Variants in CD200 observed in about 807,000 individuals in gnomAD.
CD200 encodes the protein OX-2 membrane glycoprotein.
In CD200, 15 loss-of-function variants were observed where a neutral mutation model predicts 30.9. The observed-to-expected ratio is 0.49, with a 90% CI of 0.32 to 0.75. The LOEUF (loss-of-function observed/expected upper bound fraction) is 0.75, where lower values mean the gene tolerates loss of function less well. Among genes scored for constraint, CD200 ranks in the 30% least tolerant of loss-of-function variants. CD200 has a pLI of 0.03. For missense variants in CD200, 262 were observed against 324.2 expected (o/e 0.81, Z 1.47); for synonymous variants, 134 against 126.2 (o/e 1.06, Z -0.41).
chr3:112,333,905 A>C (rs1186445601), intron 1 of CD200: 85 of 985,342 alleles, frequency 8.6e-5, no homozygotes, highest in Non-Finnish European at 1.0e-4. Flanking sequence ...CTTACAAGAC[A>C]AAAAACGGAG....
Position 112,347,807 on chromosome 3 carries a change from A to T in CD200, c.671A>T (p.Asp224Val), listed in dbSNP as rs2081434632. Residue 224 changes from aspartate to valine, a missense_variant, in exon 4 of 6, where the codon GAC becomes GTC. Coordinates refer to ENST00000315711, the MANE Select transcript of CD200 (RefSeq NM_005944.7). ...CQVLHLGTVT[D>V]FKQTVNKGYW... is the part of the protein sequence containing the mutation. ...GTGCTGCACCTGGGGACTGTGACCGACTTTAAGCAAACCGTCAACAAAGGT... is the reference window on the plus strand; with the variant it reads ...GTGCTGCACCTGGGGACTGTGACCGTCTTTAAGCAAACCGTCAACAAAGGT... The T allele has an allele frequency of 6.2e-7, 1 of 1,613,570 alleles. No homozygotes were observed. Among genetic ancestry groups the T allele is most frequent in the East Asian group, 2.2e-5 (1 of 44,870 alleles).
At position 112,333,428 on chromosome 3, in the gene CD200, G is replaced by T. The variant is rs1373961513; in HGVS notation, c.12+204G>T. On this transcript the variant is annotated intron_variant, in intron 1 of 5. Coordinates refer to ENST00000315711, the MANE Select transcript of CD200 (RefSeq NM_005944.7). Reference sequence around the variant, plus strand: ...AACGGATTTTGCCTTCCAAAGGGTGGTTTACAGGCAGCTGCTGGCGTCCAG... The same window carrying T: ...AACGGATTTTGCCTTCCAAAGGGTGTTTTACAGGCAGCTGCTGGCGTCCAG... 3.0e-6 allele frequency: 3 copies of T among 985,414 alleles called. No homozygotes were observed. The African/African-American group carries it at 5.2e-5, about 17-fold the overall frequency. The allele number at this position is 985,414 out of a possible 1,614,324, so 61.0% of individuals were successfully genotyped here. A position where few individuals can be genotyped will look rare whatever the true frequency, so the allele number is the denominator to read the frequency against.
chr3:112,340,006 T>C (rs967865218), intron 1 of CD200, among the ~76,000 whole-genome samples: 1 of 152,172 alleles, frequency 6.6e-6, no homozygotes, highest in African/African-American at 2.4e-5. Flanking sequence ...TGACAGAGAT[T>C]ATGCAACATT....
In CD200 at chr3:112,335,756, A is replaced by G. The variant is rs568974551; in HGVS notation, c.12+2532A>G. 18 of 606,446 alleles carry G rather than the reference A, an allele frequency of 3.0e-5. 1 individual carries two copies. In the Admixed American group the frequency reaches 5.2e-4, roughly 17 times the overall value. 37.6% of individuals were successfully genotyped at this position (606,446 alleles called of 1,614,324 possible). A position where few individuals can be genotyped will look rare whatever the true frequency, so the allele number is the denominator to read the frequency against. On this transcript the variant is annotated intron_variant, in intron 1 of 5. Transcript: ENST00000315711. Reference sequence around the variant, plus strand: ...TGGAGACTCCTTGTCTCTGGCAGTTAGAGTGAATGCTGAAGAAGAGCCCTT... The same window carrying G: ...TGGAGACTCCTTGTCTCTGGCAGTTGGAGTGAATGCTGAAGAAGAGCCCTT...
At chr3:112,360,657 C>T (rs2081723245) in intron 5 of CD200, among the ~76,000 whole-genome samples, 1 of 152,160 alleles carries the variant, frequency 6.6e-6, no homozygotes, top group Admixed American at 6.5e-5. Context: ...TGGGCAGGAT[C>T]TAAAATGTGC....
At chr3:112,345,399 T>C (rs1469764748) in intron 3 of CD200, 111 bp downstream of exon 3, 1 of 812,778 alleles carries the variant, frequency 1.2e-6, no homozygotes, top group African/African-American at 1.7e-5. Context: ...GAAAGGGTCA[T>C]GAGAAGATAG....
intron 3 of CD200, 78 bp from the exon 4 acceptor site, chr3:112,347,480 C>T: frequency 7.3e-7 from 1 of 1,373,238 alleles, no homozygotes; most frequent in Non-Finnish European, 1.0e-6. Context: ...AGCATATTTC[C>T]TTCATCTCTC....
At chr3:112,337,442 G>C (rs896987931) in intron 1 of CD200, among the ~76,000 whole-genome samples, 2 of 152,180 alleles carry the variant, frequency 1.3e-5, no homozygotes, top group Non-Finnish European at 2.9e-5. Flanking sequence ...GGTGCGTTTA[G>C]AAGTAGAAAA....
chr3:112,338,415 G>A (rs1230017350), intron 1 of CD200, among the ~76,000 whole-genome samples: 4 of 152,116 alleles, frequency 2.6e-5, no homozygotes, highest in African/African-American at 7.2e-5. Flanking sequence ...TCAACTGACA[G>A]CATCTTAGGC....
In CD200 at chr3:112,361,860, G is replaced by A. The variant is rs147590287; in HGVS notation, c.*310G>A. On this transcript the variant is annotated 3_prime_UTR_variant, in exon 6 of 6. Coordinates refer to ENST00000315711, the MANE Select transcript of CD200 (RefSeq NM_005944.7). ...GCACTGAGCTCACAGACTGACTTGG[G>A]CTCCTACTGGTGGGGACCTCTGTTA... 312 of 408,024 alleles carry A rather than the reference G, an allele frequency of 7.6e-4. 1 individual carries two copies. The highest frequency in any genetic ancestry group is 1.1e-4 in the Non-Finnish European group (24 of 227,376). The allele number at this position is 408,024 out of a possible 1,614,324, so 25.3% of individuals were successfully genotyped here. A position where few individuals can be genotyped will look rare whatever the true frequency, so the allele number is the denominator to read the frequency against.
At chr3:112,351,205 C>A (rs942896124) in intron 5 of CD200, among the ~76,000 whole-genome samples, 5 of 152,182 alleles carry the variant, frequency 3.3e-5, no homozygotes, top group African/African-American at 7.2e-5. Context: ...AACCCCGGTG[C>A]CCTGACCTCT....
intron 5 of CD200, 103 bp downstream of exon 5, chr3:112,349,922 G>A: frequency 3.6e-6 from 5 of 1,379,048 alleles, no homozygotes; most frequent in Non-Finnish European, 4.7e-6. Flanking sequence ...TGGCAACAAT[G>A]TGTTTTGTCT....
At chr3:112,353,401 C>CT (rs977798654) in intron 5 of CD200, among the ~76,000 whole-genome samples, 28 of 151,872 alleles carry the variant, frequency 1.8e-4, no homozygotes, top group African/African-American at 6.8e-4. Flanking sequence ...CCAAACTTCA[C>CT]TTTTTTTTCA....
chr3:112,347,781 G>A lies in CD200; in HGVS notation c.645G>A (p.Gln215=). Residue 215 remains glutamine, a synonymous_variant, in exon 4 of 6, where the codon CAG becomes CAA. Transcript: ENST00000315711. ...KNQVGKEVIC[Q]VLHLGTVTDF... is the part of the protein sequence containing the mutation. ...AGGTGGGGAAGGAGGTGATCTGCCAGGTGCTGCACCTGGGGACTGTGACCG... is the reference window on the plus strand; with the variant it reads ...AGGTGGGGAAGGAGGTGATCTGCCAAGTGCTGCACCTGGGGACTGTGACCG... The A allele has an allele frequency of 6.2e-7, 1 of 1,613,938 alleles. No individual in the cohort carries two copies. Among genetic ancestry groups the A allele is most frequent in the Non-Finnish European group, 8.5e-7 (1 of 1,179,912 alleles).
Position 112,345,289 on chromosome 3 carries a change from G to T in CD200, c.421+1G>T. 1 of 1,608,494 alleles carries T rather than the reference G, an allele frequency of 6.2e-7. No homozygotes were observed. The highest frequency in any genetic ancestry group is 8.5e-7 in the Non-Finnish European group (1 of 1,175,378). On this transcript the variant is annotated splice_donor_variant, in intron 3 of 5. Coordinates refer to ENST00000315711, the MANE Select transcript of CD200 (RefSeq NM_005944.7). LOFTEE classifies it high-confidence loss of function. ...GGAACGGCCTGCCTCACCGTCTATG[G>T]TGAGAATCTCTGAGAATCATTGTCT...
At chr3:112,358,954 C>A (rs112308903) in intron 5 of CD200, among the ~76,000 whole-genome samples, 1 of 144,860 alleles carries the variant, frequency 6.9e-6, no homozygotes, top group Non-Finnish European at 1.5e-5. Context: ...AGAAACAAAA[C>A]GAAAGTATAT....
At chr3:112,339,731 A>G (rs992809766) in intron 1 of CD200, among the ~76,000 whole-genome samples, 1 of 152,244 alleles carries the variant, frequency 6.6e-6, no homozygotes, top group African/African-American at 2.4e-5. Context: ...ATTTTCTTTC[A>G]TCCAGCACAA....
chr3:112,352,564 AGAGT>A (rs869140807), intron 5 of CD200, among the ~76,000 whole-genome samples: 1,348 of 131,170 alleles, frequency 0.01, 17 homozygotes, highest in African/African-American at 0.036. Context: ...AGAGAGAGAG[AGAGT>A]GTTTAGAGTT....
chr3:112,356,807 T>C lies in CD200; in HGVS notation c.803-4736T>C, dbSNP rs139327702. Reference sequence around the variant, plus strand: ...ATGAACAATTACTTAGCGATTTTGATCAAATCCTGTCCTTTACAAACTAGC... The same window carrying C: ...ATGAACAATTACTTAGCGATTTTGACCAAATCCTGTCCTTTACAAACTAGC... On this transcript the variant is annotated intron_variant, in intron 5 of 5. Transcript: ENST00000315711. Among the ~76,000 whole-genome samples the C allele has an allele frequency of 2.0e-5, 3 of 152,372 alleles. No individual in the cohort carries two copies. In the East Asian group the frequency reaches 5.8e-4, roughly 29 times the overall value.
Sources: gnomAD v4.1 joint callset for allele counts (sites outside exome capture counted in the v4.1 genomes callset) on GRCh38, gnomAD v4.1.1 for gene constraint, MANE v1.5 for transcripts, NCBI Gene and HGNC (gene_info 2026-07-23, HGNC 2026-07-21) for gene names.